Variants in GRM2 observed in about 807,000 individuals in gnomAD.
GRM2 encodes glutamate metabotropic receptor 2, also known as metabotropic glutamate receptor 2.
Under a neutral mutation model 60.4 loss-of-function variants are expected in GRM2, and 35 were observed. The ratio of observed to expected loss-of-function variants is 0.58; its 90% CI spans 0.44 to 0.77. The LOEUF (loss-of-function observed/expected upper bound fraction) is 0.77, where lower values mean the gene tolerates loss of function less well. Ranked by LOEUF, GRM2 falls within the 30% of genes least tolerant of loss-of-function variation. The probability of loss-of-function intolerance (pLI) is 0.00; values close to 1 mark genes in which losing one functional copy is unlikely to be tolerated. For synonymous variants in GRM2, 437 were observed against 484.1 expected (o/e 0.90, Z 1.28); for missense variants, 925 against 1,199.5 (o/e 0.77, Z 3.38).
At position 51,716,066 on chromosome 3, in the gene GRM2, A is replaced by C. The variant is rs1237148165; in HGVS notation, c.2293A>C (p.Thr765Pro). 1 of 1,614,236 alleles carries C rather than the reference A, an allele frequency of 6.2e-7. No homozygotes were observed. Among genetic ancestry groups the C allele is most frequent in the Non-Finnish European group, 8.5e-7 (1 of 1,180,040 alleles). ...CAACGAGGCCAAGTTCATTGGCTTC[A>C]CCATGTACACCACCTGCATCATCTG... Reference protein sequence around the residue: ...NFNEAKFIGFTMYTTCIIWLA... With the variant: ...NFNEAKFIGFPMYTTCIIWLA... Residue 765 changes from threonine (T) to proline (P), a missense_variant, in exon 4 of 6, where the codon ACC becomes CCC. Thr to Pro is a conservative substitution (Grantham distance 38). Transcript: ENST00000395052. The surrounding 1 kb of genome is among the most constrained non-coding windows in gnomAD (Gnocchi z 4.0).
chr3:51,707,074 A>C lies in GRM2; in HGVS notation c.-230A>C, dbSNP rs1401498194. 1 of 152,534 alleles carries C rather than the reference A, an allele frequency of 6.6e-6. No individual in the cohort carries two copies. The highest frequency in any genetic ancestry group is 1.9e-4 in the East Asian group (1 of 5,154). The allele number at this position is 152,534 out of a possible 1,614,324, so 9.4% of individuals were successfully genotyped here. On this transcript the variant is annotated 5_prime_UTR_variant, in exon 1 of 6. Transcript: ENST00000395052. ...GGGCGAGCGGGCGGGCGGAGAGCGC[A>C]GAGCCAGCGAGCCAGCGAGCGAGCG...
chr3:51,707,333 C>A (rs1001539869), intron 1 of GRM2, 166 bp downstream of exon 1: 3 of 152,872 alleles, frequency 2.0e-5, no homozygotes, highest in Non-Finnish European at 4.4e-5. Context: ...CCCCGGGCGT[C>A]CCGCCTTTCT....
rs902412657 is a variant in GRM2 at position 51,709,892 on chromosome 3, TAGTC to T, written c.450+462_450+465del. Among the ~76,000 whole-genome samples the T allele has an allele frequency of 3.1e-4, 8 of 26,056 alleles. No homozygotes were observed. In the South Asian group the frequency reaches 3.7e-3, roughly 12 times the overall value. 17.1% of individuals were successfully genotyped at this position (26,056 alleles called of 152,430 possible). On this transcript the variant is annotated intron_variant, in intron 2 of 5. Coordinates refer to ENST00000395052, the MANE Select transcript of GRM2 (RefSeq NM_000839.5). ...TTGATGTTAACCCTGAGGGGCTTAA[TAGTC>T]AGGTCTCCCACTTACTAACTGCATG...
intron 3 of GRM2, chr3:51,714,699 G>T (rs956766116): frequency 2.1e-5 from 4 of 194,154 alleles, no homozygotes; most frequent in Non-Finnish European, 4.2e-5. Flanking sequence ...ATGTTTCGAT[G>T]AAGTTGGGAT....
rs759445462 is a variant in GRM2, at chr3:51,712,736, G to A, written c.714G>A (p.Ser238=). ...ARARNICVAT[S]EKVGRAMSRA... ...CCCGCAACATCTGTGTGGCCACCTC[G>A]GAGAAAGTGGGCCGTGCCATGAGCC... The change falls in exon 3 of 6, where the codon TCG becomes TCA. Residue 238 remains serine, a synonymous_variant. Transcript: ENST00000395052. The surrounding 1 kb of genome is among the most constrained non-coding windows in gnomAD (Gnocchi z 5.3). The A allele has an allele frequency of 1.1e-5, 18 of 1,613,550 alleles. No individual in the cohort carries two copies. Among genetic ancestry groups the A allele is most frequent in the East Asian group, 2.2e-5 (1 of 44,884 alleles).
Position 51,718,104 on chromosome 3 carries a change from T to G in GRM2, c.2611T>G (p.Ser871Ala). ...GREVVDSTTS[S>A]L ...TGAGGTGGTGGACTCGACAACGTCA[T>G]CGCTTTGAAGACCCCATACTCCCGC... Residue 871 changes from serine (S) to alanine (A), a missense_variant, in exon 6 of 6, where the codon TCG becomes GCG. Physicochemically the swap from Ser to Ala is moderately conservative, Grantham distance 99. Coordinates refer to ENST00000395052, the MANE Select transcript of GRM2 (RefSeq NM_000839.5). The surrounding 1 kb of genome is among the most constrained non-coding windows in gnomAD (Gnocchi z 4.2). 1.2e-6 allele frequency: 2 copies of G among 1,613,972 alleles called. No individual in the cohort carries two copies. The highest frequency in any genetic ancestry group is 4.5e-5 in the East Asian group (2 of 44,882).
chr3:51,713,566 G>A lies in GRM2; in HGVS notation c.1288+256G>A. On this transcript the variant is annotated intron_variant, in intron 3 of 5. Transcript: ENST00000395052. This position sits in a 1 kb window ranked among gnomAD's most constrained non-coding sequence, Gnocchi z 4.8. Reference sequence around the variant, plus strand: ...TTTGAGGGTCTCTGGCTCCTCCTTGGGCCTTGCCCACTGTCTTCTGTCTCC... The same window carrying A: ...TTTGAGGGTCTCTGGCTCCTCCTTGAGCCTTGCCCACTGTCTTCTGTCTCC... The A allele has an allele frequency of 8.2e-6, 4 of 487,838 alleles. No homozygotes were observed. The highest frequency in any genetic ancestry group is 1.9e-5 in the African/African-American group (1 of 52,024). 30.2% of individuals were successfully genotyped at this position (487,838 alleles called of 1,614,324 possible). A position where few individuals can be genotyped will look rare whatever the true frequency, so the allele number is the denominator to read the frequency against.
rs756734768 is a variant in GRM2, at chr3:51,715,496, G to A, written c.1723G>A (p.Ala575Thr). The A allele has an allele frequency of 9.9e-6, 16 of 1,612,820 alleles. No individual in the cohort carries two copies. The highest frequency in any genetic ancestry group is 6.6e-5 in the South Asian group (6 of 91,084). Reference sequence around the variant, plus strand: ...CTGGGCTGTGGGACCTGTCACCATCGCCTGCCTCGGTGCCCTGGCCACCCT... The same window carrying A: ...CTGGGCTGTGGGACCTGTCACCATCACCTGCCTCGGTGCCCTGGCCACCCT... ...DAWAVGPVTI[A>T]CLGALATLFV... is the part of the protein sequence containing the mutation. Residue 575 changes from alanine to threonine, a missense_variant, in exon 4 of 6, where the codon GCC (alanine) becomes ACC (threonine). Ala to Thr is a moderately conservative substitution (Grantham distance 58). Transcript: ENST00000395052. This position sits in a 1 kb window ranked among gnomAD's most constrained non-coding sequence, Gnocchi z 9.0.
chr3:51,711,091 G>T (rs1330808037), intron 2 of GRM2, among the ~76,000 whole-genome samples: 2 of 152,236 alleles, frequency 1.3e-5, no homozygotes. Context: ...TCAGCTACCG[G>T]CCTGAAGTCG....
In GRM2 at chr3:51,718,141, T is replaced by A. The variant is rs1481475166; in HGVS notation, c.*29T>A. On this transcript the variant is annotated 3_prime_UTR_variant, in exon 6 of 6. Transcript: ENST00000395052. This position sits in a 1 kb window ranked among gnomAD's most constrained non-coding sequence, Gnocchi z 4.2. ...CCCCATACTCCCGCCCTGACACAGC[T>A]GCTCCTGGGAACCTAGTGCAGACCC... 6 of 1,599,136 alleles carry A rather than the reference T, an allele frequency of 3.8e-6. No homozygotes were observed. The highest frequency in any genetic ancestry group is 5.1e-6 in the Non-Finnish European group (6 of 1,166,352).
At position 51,715,461 on chromosome 3, in the gene GRM2, G is replaced by T; in HGVS notation, c.1688G>T (p.Trp563Leu). 4 of 1,612,750 alleles carry T rather than the reference G, an allele frequency of 2.5e-6. No homozygotes were observed. The highest frequency in any genetic ancestry group is 3.4e-6 in the Non-Finnish European group (4 of 1,179,864). ...GAACTGCCCCAGGAGTACATCCGCT[G>T]GGGCGATGCCTGGGCTGTGGGACCT... ...CFELPQEYIR[W>L]GDAWAVGPVT... Residue 563 changes from tryptophan (W) to leucine (L), a missense_variant, in exon 4 of 6, where the codon TGG becomes TTG. Coordinates refer to ENST00000395052, the MANE Select transcript of GRM2 (RefSeq NM_000839.5). This position sits in a 1 kb window ranked among gnomAD's most constrained non-coding sequence, Gnocchi z 9.0.
Position 51,708,832 on chromosome 3 carries a change from T to A in GRM2, c.-136-16T>A. On this transcript the variant is annotated splice_polypyrimidine_tract_variant and intron_variant, in intron 1 of 5. Coordinates refer to ENST00000395052, the MANE Select transcript of GRM2 (RefSeq NM_000839.5). ...CTTTTCCTGGTCTGTTTTTCTGTCTTTCTATCTCTCTGCAGGAGCTGGGTC... is the reference window on the plus strand; with the variant it reads ...CTTTTCCTGGTCTGTTTTTCTGTCTATCTATCTCTCTGCAGGAGCTGGGTC... 1 of 580,706 alleles carries A rather than the reference T, an allele frequency of 1.7e-6. No homozygotes were observed. Among genetic ancestry groups the A allele is most frequent in the South Asian group, 2.7e-5 (1 of 36,432 alleles). 36.0% of individuals were successfully genotyped at this position (580,706 alleles called of 1,614,324 possible).
Position 51,715,533 on chromosome 3 carries a change from G to C in GRM2, c.1760G>C (p.Gly587Ala), listed in dbSNP as rs1470328425. 6.2e-7 allele frequency: 1 copy of C among 1,613,692 alleles called. No homozygotes were observed. The highest frequency in any genetic ancestry group is 1.7e-5 in the Admixed American group (1 of 60,036). ...LGALATLFVL[G>A]VFVRHNATPV... is the part of the protein sequence containing the mutation. ...GCCCTGGCCACCCTCTTTGTGCTGG[G>C]TGTCTTTGTGCGGCACAATGCCACA... is the stretch of plus-strand genomic sequence containing the variant. The change falls in exon 4 of 6, where the codon GGT becomes GCT. Residue 587 changes from glycine to alanine, a missense_variant. Coordinates refer to ENST00000395052, the MANE Select transcript of GRM2 (RefSeq NM_000839.5). This position sits in a 1 kb window ranked among gnomAD's most constrained non-coding sequence, Gnocchi z 9.0.
intron 3 of GRM2, chr3:51,714,472 G>A (rs1020706231): frequency 3.3e-5 from 5 of 153,594 alleles, no homozygotes; most frequent in African/African-American, 1.2e-4. Context: ...GATGAAGTGG[G>A]GGTGGAGAGA....
In GRM2 at chr3:51,713,871, C is replaced by G. The variant is rs1333682026; in HGVS notation, c.1288+561C>G. 5.0e-6 allele frequency: 2 copies of G among 400,646 alleles called. No individual in the cohort carries two copies. The highest frequency in any genetic ancestry group is 4.1e-5 in the African/African-American group (2 of 48,350). 24.8% of individuals were successfully genotyped at this position (400,646 alleles called of 1,614,324 possible). ...TCCTGGGCTCAAGCGATCCTTCTGC[C>G]TCAGTCTCCAGAGTAGCTAGGATGA... On this transcript the variant is annotated intron_variant, in intron 3 of 5. Transcript: ENST00000395052. This position sits in a 1 kb window ranked among gnomAD's most constrained non-coding sequence, Gnocchi z 4.8.
In GRM2 at chr3:51,709,057, T is replaced by G; in HGVS notation, c.74T>G (p.Val25Gly). 1 of 1,606,210 alleles carries G rather than the reference T, an allele frequency of 6.2e-7. No individual in the cohort carries two copies. The highest frequency in any genetic ancestry group is 8.5e-7 in the Non-Finnish European group (1 of 1,174,146). ...GAVAEGPAKKVLTLEGDLVLG... is the reference protein window; with the variant it reads ...GAVAEGPAKKGLTLEGDLVLG... Reference sequence around the variant, plus strand: ...GTGGCTGAGGGCCCAGCCAAGAAGGTGCTGACCCTGGAGGGAGACTTGGTG... The same window carrying G: ...GTGGCTGAGGGCCCAGCCAAGAAGGGGCTGACCCTGGAGGGAGACTTGGTG... Residue 25 changes from valine (V) to glycine (G), a missense_variant, in exon 2 of 6, where the codon GTG becomes GGG. Val to Gly is a moderately radical substitution (Grantham distance 109). Coordinates refer to ENST00000395052, the MANE Select transcript of GRM2 (RefSeq NM_000839.5).
chr3:51,710,083 G>A (rs1453358446), intron 2 of GRM2, among the ~76,000 whole-genome samples: 6 of 151,540 alleles, frequency 4.0e-5, no homozygotes, highest in East Asian at 1.9e-4. Flanking sequence ...TCTGCCTCCC[G>A]GGTTTAAGTG....
In GRM2 at chr3:51,713,398, A is replaced by AATGG; in HGVS notation, c.1288+89_1288+90insTGGA. 2 of 965,314 alleles carry AATGG rather than the reference A, an allele frequency of 2.1e-6. No individual in the cohort carries two copies. The highest frequency in any genetic ancestry group is 1.6e-5 in the African/African-American group (1 of 61,338). 59.8% of individuals were successfully genotyped at this position (965,314 alleles called of 1,614,324 possible). A position where few individuals can be genotyped will look rare whatever the true frequency, so the allele number is the denominator to read the frequency against. On this transcript the variant is annotated intron_variant, in intron 3 of 5. Transcript: ENST00000395052. This position sits in a 1 kb window ranked among gnomAD's most constrained non-coding sequence, Gnocchi z 4.8. Reference sequence around the variant, plus strand: ...TTCAGCTTCCATTCCTTTGCTAAGGAAACAGTAGAGTGAAAGTAAAGGACT... The same window carrying AATGG: ...TTCAGCTTCCATTCCTTTGCTAAGGAATGGAACAGTAGAGTGAAAGTAAAGGACT...
chr3:51,710,338 T>G (rs912614544), intron 2 of GRM2, among the ~76,000 whole-genome samples: 3 of 152,164 alleles, frequency 2.0e-5, no homozygotes, highest in Admixed American at 2.0e-4. Context: ...ATTTAATGAG[T>G]TGATAGATGC....
Sources: allele counts gnomAD v4.1 joint callset (sites outside exome capture counted in the v4.1 genomes callset), GRCh38; gene constraint gnomAD v4.1.1; non-coding constraint Gnocchi (gnomAD v3.1); transcripts MANE v1.5; gene names NCBI Gene and HGNC (gene_info 2026-07-23, HGNC 2026-07-21).